RTL4: variants seen among roughly 807,000 people sequenced by gnomAD.
RTL4 encodes retrotransposon Gag like 4.
Under a neutral mutation model 5.3 loss-of-function variants are expected in RTL4, and 4 were observed. That is an observed-to-expected ratio of 0.75 (90% CI 0.37 to 1.72). The LOEUF (loss-of-function observed/expected upper bound fraction) is 1.72, where lower values mean the gene tolerates loss of function less well. RTL4 is among the 40% of genes most tolerant of loss of function. The pLI, the probability that RTL4 is intolerant of heterozygous loss-of-function variation, is 0.04. For missense variants in RTL4, 260 were observed against 227.1 expected, an observed-to-expected ratio of 1.14 and a Z score of -0.93; for synonymous variants, 98 against 87.3, an observed-to-expected ratio of 1.12 and a Z score of -0.68.
chrX:112,435,610 T>G, the RTL4 span, among the ~76,000 whole-genome samples: 1 of 111,744 alleles, frequency 8.9e-6, no homozygotes, highest in Non-Finnish European at 1.9e-5. Context: ...GAGCTCATTC[T>G]CAGTAGGAGA....
At chrX:112,313,656 C>T in the RTL4 span, among the ~76,000 whole-genome samples, 1 of 110,451 alleles carries the variant, frequency 9.1e-6, no homozygotes, top group Admixed American at 9.8e-5. Context: ...CTCTGTCTCT[C>T]TCTTTCAAAT....
the RTL4 span, among the ~76,000 whole-genome samples, chrX:112,448,064 G>A: frequency 1.8e-5 from 2 of 112,038 alleles, no homozygotes; most frequent in African/African-American, 6.5e-5. Context: ...TTGAATATAA[G>A]TAGGCTAGGT....
At chrX:112,329,794 C>T in the RTL4 span, among the ~76,000 whole-genome samples, 2 of 111,171 alleles carry the variant, frequency 1.8e-5, no homozygotes, top group South Asian at 7.8e-4. Context: ...AGCAGCACAT[C>T]AAAAAGCTTA....
At chrX:112,401,410 T>C in the RTL4 span, among the ~76,000 whole-genome samples, 1 of 111,807 alleles carries the variant, frequency 8.9e-6, no homozygotes, top group Admixed American at 9.5e-5. Context: ...TGAAAGGATT[T>C]TCATTTCAAC....
At chrX:112,183,079 G>A in the RTL4 span, among the ~76,000 whole-genome samples, 2 of 112,076 alleles carry the variant, frequency 1.8e-5, no homozygotes, top group Admixed American at 9.5e-5. Context: ...CATAAGCGAA[G>A]GAGAAATAAA....
the RTL4 span, among the ~76,000 whole-genome samples, chrX:112,160,414 C>T: frequency 8.9e-6 from 1 of 111,916 alleles, no homozygotes; most frequent in Non-Finnish European, 1.9e-5. Context: ...TTATTCATTC[C>T]ACAAGCTTTA....
the RTL4 span, among the ~76,000 whole-genome samples, chrX:112,117,707 G>C: frequency 9.0e-6 from 1 of 111,414 alleles, no homozygotes; most frequent in Non-Finnish European, 1.9e-5. Context: ...TGGGGAAATG[G>C]GCACGTGTAC....
chrX:112,294,762 G>A, the RTL4 span, among the ~76,000 whole-genome samples: 2 of 111,932 alleles, frequency 1.8e-5, no homozygotes, highest in Non-Finnish European at 3.8e-5. Context: ...CATGTTCTTT[G>A]AAATTTTCTT....
the RTL4 span, among the ~76,000 whole-genome samples, chrX:112,376,752 G>A: frequency 4.5e-5 from 5 of 111,902 alleles, no homozygotes; most frequent in Non-Finnish European, 9.4e-5. Flanking sequence ...CTCGGTATAT[G>A]GCCACTGAAC....
chrX:112,303,082 T>C, the RTL4 span, among the ~76,000 whole-genome samples: 1 of 111,606 alleles, frequency 9.0e-6, no homozygotes, highest in East Asian at 2.8e-4. Context: ...ATTAGCCCAG[T>C]GTTTGCTTCT....
At chrX:112,236,410 G>T in the RTL4 span, among the ~76,000 whole-genome samples, 2 of 56,604 alleles carry the variant, frequency 3.5e-5, no homozygotes, top group South Asian at 7.9e-4. Flanking sequence ...TATAGATATA[G>T]ATCTATATCT....
chrX:112,218,566 G>T, the RTL4 span, among the ~76,000 whole-genome samples: 34 of 112,011 alleles, frequency 3.0e-4, no homozygotes, highest in Non-Finnish European at 5.8e-4. Context: ...ATTTAAGCCA[G>T]TTCTCAGCAC....
At chrX:112,213,593 C>T in the RTL4 span, among the ~76,000 whole-genome samples, 6 of 112,087 alleles carry the variant, frequency 5.4e-5, no homozygotes, top group Non-Finnish European at 7.5e-5. Context: ...AAGTGAGCTC[C>T]AGACTATATG....
At chrX:112,391,015 C>A in the RTL4 span, among the ~76,000 whole-genome samples, 1 of 111,916 alleles carries the variant, frequency 8.9e-6, no homozygotes, top group African/African-American at 3.2e-5. Context: ...TTGCTCATTT[C>A]TTTTTATTCT....
the RTL4 span, among the ~76,000 whole-genome samples, chrX:112,352,691 T>G: frequency 3.4e-4 from 32 of 94,581 alleles, no homozygotes; most frequent in Non-Finnish European, 5.4e-4. Flanking sequence ...CAAGATGGAT[T>G]AAAGACTTAC....
the RTL4 span, among the ~76,000 whole-genome samples, chrX:112,153,958 C>T: frequency 7.2e-5 from 8 of 110,853 alleles, no homozygotes; most frequent in African/African-American, 2.6e-4. Context: ...TTCTGCAACC[C>T]CCATTATGTA....
chrX:112,361,788 C>G, the RTL4 span, among the ~76,000 whole-genome samples: 1 of 111,089 alleles, frequency 9.0e-6, no homozygotes, highest in Non-Finnish European at 1.9e-5. Flanking sequence ...GTTATAGTGG[C>G]TCATTTTGGT....
chrX:112,326,483 G>A, the RTL4 span, among the ~76,000 whole-genome samples: 23,174 of 111,162 alleles, frequency 0.21, 1,845 homozygotes, highest in Admixed American at 0.32. Context: ...ATTATATCCC[G>A]CACGTGGCTC....
At chrX:112,449,138 C>A in the RTL4 span, among the ~76,000 whole-genome samples, 673 of 111,969 alleles carry the variant, frequency 6.0e-3, 7 homozygotes, top group African/African-American at 0.021. Context: ...AATTGACCCT[C>A]AGCTGGGCTG....
Sources: gnomAD v4.1 joint callset for allele counts (sites outside exome capture counted in the v4.1 genomes callset) on GRCh38, gnomAD v4.1.1 for gene constraint, MANE v1.5 for transcripts, NCBI Gene and HGNC (gene_info 2026-07-23, HGNC 2026-07-21) for gene names.